ARSG: variants seen among roughly 807,000 people sequenced by gnomAD.
ARSG encodes the protein ASG.
ARSG carries 37 observed loss-of-function variants against 50.5 expected under a neutral mutation model. That is an observed-to-expected ratio of 0.73 (90% CI 0.56 to 0.96). The LOEUF is 0.96. Ranked by LOEUF, ARSG falls within the 50% of genes least tolerant of loss-of-function variation. The pLI, the probability that ARSG is intolerant of heterozygous loss-of-function variation, is 0.00. For synonymous variants in ARSG, 225 were observed against 254.6 expected (o/e 0.88, Z 1.11); for missense variants, 629 against 675.3 (o/e 0.93, Z 0.76).
the ARSG span, chr17:68,444,430 G>A: frequency 2.0e-6 from 3 of 1,472,834 alleles, no homozygotes; most frequent in African/African-American, 2.8e-5. Flanking sequence ...GGAAAATAAA[G>A]CTTGGGAAAG....
At chr17:68,322,992 A>T (rs1302160675) in intron 2 of ARSG, among the ~76,000 whole-genome samples, 1 of 152,058 alleles carries the variant, frequency 6.6e-6, no homozygotes, top group African/African-American at 2.4e-5. Flanking sequence ...TGGTCAACAT[A>T]GCAAGACCCC....
intron 5 of ARSG, among the ~76,000 whole-genome samples, chr17:68,354,039 T>TTTA (rs1555779991): frequency 1.6e-4 from 23 of 144,552 alleles, no homozygotes; most frequent in African/African-American, 5.6e-4. Context: ...TTTTTTTTTT[T>TTTA]ATTTCAATCC....
At chr17:68,282,665 C>T (rs572446037) in intron 1 of ARSG, among the ~76,000 whole-genome samples, 35 of 150,666 alleles carry the variant, frequency 2.3e-4, no homozygotes, top group African/African-American at 7.6e-4. Flanking sequence ...TTAGCAGTGC[C>T]GGGCATGGTG....
intron 1 of ARSG, among the ~76,000 whole-genome samples, chr17:68,272,982 T>C (rs997219629): frequency 6.6e-6 from 1 of 151,786 alleles, no homozygotes; most frequent in Non-Finnish European, 1.5e-5. Context: ...ACTAAAAATA[T>C]AACTTTTTTT....
downstream of ARSG, chr17:68,427,492 G>A (rs1227421373): frequency 1.3e-5 from 4 of 315,598 alleles, no homozygotes; most frequent in East Asian, 7.5e-5. Context: ...GAGTAGCTGC[G>A]ACTACAGGCA....
intron 11 of ARSG, 68 bp downstream of exon 11, chr17:68,401,518 C>A: frequency 7.0e-7 from 1 of 1,433,668 alleles, no homozygotes; most frequent in Non-Finnish European, 9.7e-7. Context: ...TGGACTCTCA[C>A]CCAGGCCTCT....
chr17:68,404,115 A>G (rs2081601074), intron 11 of ARSG, among the ~76,000 whole-genome samples: 1 of 152,090 alleles, frequency 6.6e-6, no homozygotes, highest in African/African-American at 2.4e-5. Flanking sequence ...TCATTGATGG[A>G]CATTTGGGTT....
intron 1 of ARSG, among the ~76,000 whole-genome samples, chr17:68,277,701 A>G (rs1312859770): frequency 6.6e-6 from 1 of 152,188 alleles, no homozygotes; most frequent in African/African-American, 2.4e-5. Flanking sequence ...AAGTGCTTAC[A>G]GGTGTGAGCC....
At chr17:68,261,122 T>C (rs1555745106) in intron 1 of ARSG, among the ~76,000 whole-genome samples, 1 of 152,234 alleles carries the variant, frequency 6.6e-6, no homozygotes, top group African/African-American at 2.4e-5. Flanking sequence ...TCCAGCTGTT[T>C]CGTAGCAGCA....
At chr17:68,400,081 C>G (rs971098829) in intron 10 of ARSG, 4 of 152,222 alleles carry the variant, frequency 2.6e-5, no homozygotes, top group African/African-American at 9.6e-5. Flanking sequence ...CTGTGAAACT[C>G]CGGGGGACAG....
the ARSG span, chr17:68,433,711 G>T: frequency 2.4e-6 from 1 of 424,694 alleles, no homozygotes. Context: ...TAAACACTGT[G>T]GTGCTCATAT....
intron 6 of ARSG, among the ~76,000 whole-genome samples, chr17:68,366,170 C>A (rs1441885778): frequency 6.6e-6 from 1 of 151,896 alleles, no homozygotes; most frequent in Non-Finnish European, 1.5e-5. Flanking sequence ...AACTCCTGAC[C>A]TCAAATGATC....
rs75069202 is a variant in ARSG, at chr17:68,273,698, A to G, written c.-552+14272A>G. Reference sequence around the variant, plus strand: ...CAAATACAGCAAAAGAGAAATTATCATCATCTTTGGTGAAGATCAAACAAA... The same window carrying G: ...CAAATACAGCAAAAGAGAAATTATCGTCATCTTTGGTGAAGATCAAACAAA... On this transcript the variant is annotated intron_variant, in intron 1 of 11. Transcript: ENST00000448504. 6.3e-3 allele frequency among the ~76,000 whole-genome samples: 957 copies of G among 152,076 alleles called. 7 individuals are homozygous for G. The highest frequency in any genetic ancestry group is 0.022 in the African/African-American group (904 of 41,332).
chr17:68,451,690 G>A, the ARSG span, among the ~76,000 whole-genome samples: 1 of 152,156 alleles, frequency 6.6e-6, no homozygotes, highest in Non-Finnish European at 1.5e-5. Flanking sequence ...CAATATGGGA[G>A]GGGACAGTAA....
intron 8 of ARSG, among the ~76,000 whole-genome samples, chr17:68,371,700 A>G (rs571038456): frequency 1.2e-4 from 19 of 152,366 alleles, no homozygotes; most frequent in African/African-American, 4.6e-4. Context: ...AAGGATGCTC[A>G]TTGCAGTGAA....
intron 8 of ARSG, among the ~76,000 whole-genome samples, chr17:68,371,046 C>T (rs1350819484): frequency 6.6e-6 from 1 of 152,146 alleles, no homozygotes; most frequent in African/African-American, 2.4e-5. Flanking sequence ...CTAGGCCGGG[C>T]GCGGTGGCTC....
chr17:68,437,014 A>ATGTGTGTGTGTGTGTGTG, the ARSG span, among the ~76,000 whole-genome samples: 24 of 82,138 alleles, frequency 2.9e-4, no homozygotes, highest in Middle Eastern at 7.9e-3. Context: ...AAATATATAT[A>ATGTGTGTGTGTGTGTGTG]TATGTGTGTG....
At chr17:68,354,806 A>G (rs993773396) in intron 5 of ARSG, among the ~76,000 whole-genome samples, 9 of 150,404 alleles carry the variant, frequency 6.0e-5, no homozygotes, top group Non-Finnish European at 1.2e-4. Flanking sequence ...TGAGGCTGCA[A>G]TGAGCTGAGA....
At position 68,367,520 on chromosome 17, in the gene ARSG, G is replaced by A. The variant is rs1333529278; in HGVS notation, c.705-1028G>A. Among the ~76,000 whole-genome samples, 1 of 152,112 alleles carries A rather than the reference G, an allele frequency of 6.6e-6. No homozygotes were observed. The highest frequency in any genetic ancestry group is 1.5e-5 in the Non-Finnish European group (1 of 68,026). ...CCCATGGATGGATCTGTGGGAGAGG[G>A]GCCCCCTGAAGGTCCCTGCCACCGT... On this transcript the variant is annotated intron_variant, in intron 6 of 11. Coordinates refer to ENST00000621439, the MANE Select transcript of ARSG (RefSeq NM_001267727.2). This position sits in a 1 kb window ranked among gnomAD's most constrained non-coding sequence, Gnocchi z 4.5.
Sources: allele counts gnomAD v4.1 joint callset (sites outside exome capture counted in the v4.1 genomes callset), GRCh38; gene constraint gnomAD v4.1.1; non-coding constraint Gnocchi (gnomAD v3.1); transcripts MANE v1.5; gene names NCBI Gene and HGNC (gene_info 2026-07-23, HGNC 2026-07-21).